FAM107B: variants seen among roughly 807,000 people sequenced by gnomAD.
FAM107B encodes the protein family with sequence similarity 107 member B, also known as protein FAM107B.
A neutral mutation model predicts 31.5 loss-of-function variants in FAM107B; 21 were observed. The ratio of observed to expected loss-of-function variants is 0.67; its 90% CI spans 0.47 to 0.96. The LOEUF is 0.96. FAM107B is among the 40% of genes least tolerant of loss of function. The probability of loss-of-function intolerance (pLI) is 0.00; values close to 1 mark genes in which losing one functional copy is unlikely to be tolerated. For missense variants in FAM107B, 452 were observed against 377.1 expected (o/e 1.20, Z -1.64); for synonymous variants, 157 against 141.5 (o/e 1.11, Z -0.78).
At position 14,747,141 on chromosome 10, in the gene FAM107B, T is replaced by A. The variant is rs151065507; in HGVS notation, c.411+27112A>T. On this transcript the variant is annotated intron_variant, in intron 1 of 4. Coordinates refer to ENST00000181796, the MANE Select transcript of FAM107B (RefSeq NM_031453.4). ...TCTTGTGTTGCGTTTCTCAGCTCCATCAGGTCATTTATGTTCCTCTCTAAA... is the reference window on the plus strand; with the variant it reads ...TCTTGTGTTGCGTTTCTCAGCTCCAACAGGTCATTTATGTTCCTCTCTAAA... Among the ~76,000 whole-genome samples the A allele has an allele frequency of 6.6e-3, 1,011 of 152,340 alleles. 6 individuals are homozygous for A. Among genetic ancestry groups the A allele is most frequent in the Middle Eastern group, 0.017 (5 of 294 alleles).
At chr10:14,740,826 T>C (rs1856419403) in intron 1 of FAM107B, among the ~76,000 whole-genome samples, 2 of 152,204 alleles carry the variant, frequency 1.3e-5, no homozygotes, top group Admixed American at 1.3e-4. Flanking sequence ...GATGATATCA[T>C]TTGTTATGCA....
chr10:14,590,276 G>C (rs1851972712), intron 2 of FAM107B, among the ~76,000 whole-genome samples: 1 of 152,094 alleles, frequency 6.6e-6, no homozygotes, highest in Non-Finnish European at 1.5e-5. Flanking sequence ...CTTTCTTTTA[G>C]GACTTATTGG....
At chr10:14,581,811 G>A (rs1851645669) in intron 2 of FAM107B, among the ~76,000 whole-genome samples, 1 of 152,208 alleles carries the variant, frequency 6.6e-6, no homozygotes, top group Admixed American at 6.5e-5. Context: ...GCTGGGGTGG[G>A]AGGATCACTT....
chr10:14,730,403 G>T (rs372186555), intron 1 of FAM107B, among the ~76,000 whole-genome samples: 1 of 152,118 alleles, frequency 6.6e-6, no homozygotes, highest in African/African-American at 2.4e-5. Flanking sequence ...GGGATTTAAA[G>T]GCTAGAATTG....
intron 2 of FAM107B, chr10:14,653,780 T>C (rs1853965398): frequency 6.6e-6 from 1 of 152,184 alleles, no homozygotes; most frequent in Admixed American, 6.5e-5. Context: ...TAAAGATCAC[T>C]GGGTGAGGTA....
At chr10:14,608,265 C>G (rs112245909) in intron 2 of FAM107B, among the ~76,000 whole-genome samples, 1 of 152,160 alleles carries the variant, frequency 6.6e-6, no homozygotes, top group African/African-American at 2.4e-5. Flanking sequence ...ACATTTGAAT[C>G]GTAATCCATT....
intron 2 of FAM107B, among the ~76,000 whole-genome samples, chr10:14,612,185 G>C (rs181771471): frequency 3.9e-5 from 6 of 152,278 alleles, no homozygotes; most frequent in Admixed American, 1.3e-4. Context: ...AGAAGTGTGT[G>C]ACCCACACAT....
chr10:14,625,925 A>C (rs1853150513), intron 2 of FAM107B, among the ~76,000 whole-genome samples: 1 of 150,818 alleles, frequency 6.6e-6, no homozygotes, highest in South Asian at 2.1e-4. Flanking sequence ...TTAAAAGGAG[A>C]AGTCGTAATG....
intron 2 of FAM107B, among the ~76,000 whole-genome samples, chr10:14,616,597 A>G (rs1852856888): frequency 1.3e-5 from 2 of 152,222 alleles, no homozygotes; most frequent in South Asian, 4.1e-4. Context: ...AACTTTACAG[A>G]GTAAGAACAG....
At chr10:14,696,021 T>C (rs1236880946) in intron 1 of FAM107B, among the ~76,000 whole-genome samples, 1 of 152,222 alleles carries the variant, frequency 6.6e-6, no homozygotes, top group African/African-American at 2.4e-5. Context: ...CCGTGTCAAA[T>C]AGAAGAAGTG....
At chr10:14,560,488 C>A (rs1412231315) in intron 2 of FAM107B, among the ~76,000 whole-genome samples, 1 of 152,200 alleles carries the variant, frequency 6.6e-6, no homozygotes, top group African/African-American at 2.4e-5. Flanking sequence ...GCACCAATGG[C>A]CTGCAGGTGG....
At chr10:14,698,136 AG>A (rs1855310169) in intron 1 of FAM107B, among the ~76,000 whole-genome samples, 1 of 152,224 alleles carries the variant, frequency 6.6e-6, no homozygotes, top group East Asian at 1.9e-4. Flanking sequence ...AAAAAAAAAA[AG>A]AAGAAATATC....
At chr10:14,537,632 G>T (rs183131536) in intron 2 of FAM107B, among the ~76,000 whole-genome samples, 1 of 152,110 alleles carries the variant, frequency 6.6e-6, no homozygotes. Context: ...GAGGTCCAGA[G>T]ATCGAGACCA....
chr10:14,661,110 G>T (rs1459845636), intron 2 of FAM107B, among the ~76,000 whole-genome samples: 2 of 152,142 alleles, frequency 1.3e-5, no homozygotes, highest in Non-Finnish European at 2.9e-5. Flanking sequence ...TGCCACAACT[G>T]TAAGTTTCCC....
chr10:14,521,992 T>C lies in FAM107B; in HGVS notation c.681A>G (p.Glu227=), dbSNP rs770607673. ...TTCTTTTTTCCATCACCTTCTGCAA[T>C]TCTGGTTTGTTCTGAGGAGCAAGAC... is the stretch of plus-strand genomic sequence containing the variant. The part of the protein sequence containing the change: ...KRGLAPQNKP[E]LQKVMEKRKR... Residue 227 remains glutamate, a synonymous_variant, in exon 4 of 5, where the codon GAA becomes GAG. Transcript: ENST00000181796. 8.7e-6 allele frequency: 14 copies of C among 1,613,962 alleles called. No individual in the cohort carries two copies. The South Asian group carries it at 1.1e-4, about 13-fold the overall frequency.
intron 2 of FAM107B, chr10:14,548,320 G>T: frequency 1.6e-6 from 1 of 639,000 alleles, no homozygotes; most frequent in Non-Finnish European, 1.9e-6. Context: ...CCAGGGGGAG[G>T]CACAGGGAGG....
intron 1 of FAM107B, among the ~76,000 whole-genome samples, chr10:14,690,014 G>GC (rs1855090729): frequency 8.4e-6 from 1 of 119,242 alleles, no homozygotes; most frequent in African/African-American, 3.1e-5. Flanking sequence ...AGGAAGGAAG[G>GC]AAGGAAGGAA....
intron 2 of FAM107B, among the ~76,000 whole-genome samples, chr10:14,552,983 A>G (rs991568651): frequency 2.0e-5 from 3 of 152,232 alleles, no homozygotes; most frequent in African/African-American, 7.2e-5. Flanking sequence ...GAGACTAGCG[A>G]AAGCACACAA....
chr10:14,688,931 T>A (rs1855057166), intron 1 of FAM107B, among the ~76,000 whole-genome samples: 1 of 152,218 alleles, frequency 6.6e-6, no homozygotes, highest in Admixed American at 6.5e-5. Flanking sequence ...AGGGGTCGAT[T>A]CTGGGCTAGA....
Sources: gnomAD v4.1 joint callset for allele counts (sites outside exome capture counted in the v4.1 genomes callset) on GRCh38, gnomAD v4.1.1 for gene constraint, MANE v1.5 for transcripts, NCBI Gene and HGNC (gene_info 2026-07-23, HGNC 2026-07-21) for gene names.